BBX: variants seen among roughly 807,000 people sequenced by gnomAD.
The protein encoded by BBX is BBX high mobility group box domain containing.
BBX carries 30 observed loss-of-function variants against 100.2 expected under a neutral mutation model. That is an observed-to-expected ratio of 0.30 (90% CI 0.22 to 0.41). The LOEUF is 0.41. BBX is among the 10% of genes least tolerant of loss of function. The probability of loss-of-function intolerance (pLI) is 1.00; values close to 1 mark genes in which losing one functional copy is unlikely to be tolerated. For synonymous variants in BBX, 376 were observed against 388.1 expected, an observed-to-expected ratio of 0.97 and a Z score of 0.37; for missense variants, 1,023 against 1,129.8, an observed-to-expected ratio of 0.91 and a Z score of 1.35.
intron 2 of BBX, among the ~76,000 whole-genome samples, chr3:107,622,229 A>G (rs1448974337): frequency 6.6e-6 from 1 of 152,182 alleles, no homozygotes; most frequent in Non-Finnish European, 1.5e-5. Context: ...TTCACTCAAC[A>G]TAATGCTTGA....
At chr3:107,776,908 A>G (rs1311075044) in intron 12 of BBX, among the ~76,000 whole-genome samples, 2 of 152,196 alleles carry the variant, frequency 1.3e-5, no homozygotes, top group African/African-American at 4.8e-5. Flanking sequence ...TAAATGAGAA[A>G]TGGTGATGTT....
Position 107,789,205 on chromosome 3 carries a change from C to T in BBX, c.2204-582C>T, listed in dbSNP as rs185653356. On this transcript the variant is annotated intron_variant, in intron 13 of 17. Transcript: ENST00000325805. ...AAAAAAAAAAATCTCAATTTTGTTT[C>T]TTTATCTGAGAAAACTAAGAATCTG... 2.6e-5 allele frequency among the ~76,000 whole-genome samples: 4 copies of T among 152,078 alleles called. No individual in the cohort carries two copies. The East Asian group carries it at 7.7e-4, about 29-fold the overall frequency.
At chr3:107,561,757 G>T (rs550950010) in intron 2 of BBX, among the ~76,000 whole-genome samples, 1 of 152,048 alleles carries the variant, frequency 6.6e-6, no homozygotes, top group Non-Finnish European at 1.5e-5. Flanking sequence ...AAAATGGAGG[G>T]TCTCAATTTC....
intron 3 of BBX, among the ~76,000 whole-genome samples, chr3:107,662,263 A>G (rs2058488641): frequency 6.6e-6 from 1 of 152,076 alleles, no homozygotes; most frequent in South Asian, 2.1e-4. Context: ...TTTGGAAGAG[A>G]GATGAGGAAA....
At chr3:107,764,248 T>G (rs932166057) in intron 10 of BBX, among the ~76,000 whole-genome samples, 17 of 152,312 alleles carry the variant, frequency 1.1e-4, no homozygotes, top group Admixed American at 6.5e-4. Context: ...TGCCTCAGCC[T>G]CCCAAAGTGC....
chr3:107,576,001 C>T (rs1294416028), intron 2 of BBX, among the ~76,000 whole-genome samples: 1 of 152,120 alleles, frequency 6.6e-6, no homozygotes, highest in Non-Finnish European at 1.5e-5. Context: ...GTGCCATTGC[C>T]TTCCAGCTTG....
chr3:107,783,026 T>C (rs11918556), intron 13 of BBX, among the ~76,000 whole-genome samples: 4,257 of 152,192 alleles, frequency 0.028, 210 homozygotes, highest in African/African-American at 0.097. Flanking sequence ...TGGATACTTC[T>C]ACATTAATAT....
chr3:107,710,344 C>G, intron 3 of BBX, 108 bp from the exon 4 acceptor site: 2 of 855,236 alleles, frequency 2.3e-6, no homozygotes, highest in Non-Finnish European at 3.5e-6. Context: ...CTAATTAATC[C>G]TAAAGGGAGC....
At chr3:107,805,233 A>T (rs2070964314) in intron 17 of BBX, 137 bp from the exon 18 acceptor site, 2 of 1,019,802 alleles carry the variant, frequency 2.0e-6, no homozygotes. Context: ...TAAAGCAAAA[A>T]CAGTTTTCAT....
chr3:107,789,526 A>T (rs1019535075), intron 13 of BBX, among the ~76,000 whole-genome samples: 5 of 152,166 alleles, frequency 3.3e-5, no homozygotes, highest in African/African-American at 1.2e-4. Flanking sequence ...TACTCACTGT[A>T]TCTGCAGTTT....
At chr3:107,758,524 CTCGGGACCTCTG>C (rs2065657861) in intron 10 of BBX, among the ~76,000 whole-genome samples, 1 of 152,124 alleles carries the variant, frequency 6.6e-6, no homozygotes, top group Admixed American at 6.5e-5. Flanking sequence ...GATGCCTTTG[CTCGGGACCTCTG>C]AGGTGTGCCT....
At chr3:107,648,930 C>G (rs1307904158) in intron 3 of BBX, among the ~76,000 whole-genome samples, 2 of 152,156 alleles carry the variant, frequency 1.3e-5, no homozygotes, top group Admixed American at 1.3e-4. Flanking sequence ...GCTTAGACAT[C>G]TGTATTAGTC....
At chr3:107,573,438 C>G (rs766693984) in intron 2 of BBX, among the ~76,000 whole-genome samples, 2 of 152,016 alleles carry the variant, frequency 1.3e-5, no homozygotes, top group Admixed American at 6.5e-5. Flanking sequence ...ATCTGTAGTC[C>G]CAGCTGCTCG....
At chr3:107,651,379 C>T (rs2057828884) in intron 3 of BBX, among the ~76,000 whole-genome samples, 1 of 152,022 alleles carries the variant, frequency 6.6e-6, no homozygotes, top group Non-Finnish European at 1.5e-5. Context: ...AAATAAGGTT[C>T]TTACAAGTGA....
At chr3:107,726,215 A>G (rs943102674) in intron 5 of BBX, among the ~76,000 whole-genome samples, 1 of 151,928 alleles carries the variant, frequency 6.6e-6, no homozygotes, top group African/African-American at 2.4e-5. Flanking sequence ...CCTTTCTACT[A>G]TTGTCTTTTA....
intron 2 of BBX, among the ~76,000 whole-genome samples, chr3:107,622,295 A>G (rs189884546): frequency 1.3e-5 from 2 of 152,166 alleles, no homozygotes; most frequent in African/African-American, 2.4e-5. Flanking sequence ...TGTGCTTATC[A>G]GTAGTTCGTT....
chr3:107,653,996 G>A (rs1047068664), intron 3 of BBX, among the ~76,000 whole-genome samples: 16 of 152,094 alleles, frequency 1.1e-4, no homozygotes, highest in East Asian at 5.8e-4. Context: ...ATGAAACTCC[G>A]TCCATGCCTT....
chr3:107,666,357 C>T (rs145736663), intron 3 of BBX, among the ~76,000 whole-genome samples: 2 of 152,278 alleles, frequency 1.3e-5, no homozygotes, highest in East Asian at 1.9e-4. Flanking sequence ...CATTACGCTC[C>T]TCATGATGTT....
chr3:107,658,806 G>C (rs1002462879), intron 3 of BBX, among the ~76,000 whole-genome samples: 1 of 152,106 alleles, frequency 6.6e-6, no homozygotes, highest in Non-Finnish European at 1.5e-5. Flanking sequence ...ATACAAGAGA[G>C]AACTGAGTCT....
Sources: gnomAD v4.1 joint callset for allele counts (sites outside exome capture counted in the v4.1 genomes callset) on GRCh38, gnomAD v4.1.1 for gene constraint, MANE v1.5 for transcripts, NCBI Gene and HGNC (gene_info 2026-07-23, HGNC 2026-07-21) for gene names.